The following LHFPL3 variants were observed in gnomAD, a reference collection of about 807,000 sequenced individuals.
LHFPL3 encodes the protein LHFPL tetraspan subfamily member 3.
In LHFPL3, 5 loss-of-function variants were observed where a neutral mutation model predicts 19.3. The observed-to-expected ratio is 0.26, with a 90% CI of 0.14 to 0.54. LHFPL3 has a LOEUF of 0.54. Among genes scored for constraint, LHFPL3 ranks in the 20% least tolerant of loss-of-function variants. LHFPL3 has a pLI of 0.94. For synonymous variants in LHFPL3, 133 were observed against 126.2 expected, an observed-to-expected ratio of 1.05 and a Z score of -0.36; for missense variants, 249 against 307.4, an observed-to-expected ratio of 0.81 and a Z score of 1.42.
intron 1 of LHFPL3, among the ~76,000 whole-genome samples, chr7:104,654,727 A>C (rs10487221): frequency 0.47 from 70,754 of 151,912 alleles, 16,771 homozygotes; most frequent in East Asian, 0.64. Context: ...CATGTTTTGG[A>C]TATTTACCTA....
intron 2 of LHFPL3, among the ~76,000 whole-genome samples, chr7:104,869,902 T>C (rs1791799095): frequency 6.6e-6 from 1 of 152,172 alleles, no homozygotes; most frequent in Non-Finnish European, 1.5e-5. Flanking sequence ...CGTGGAATAG[T>C]ATGCAGCCAT....
At chr7:104,819,298 C>G (rs966843930) in intron 2 of LHFPL3, among the ~76,000 whole-genome samples, 1 of 151,898 alleles carries the variant, frequency 6.6e-6, no homozygotes, top group East Asian at 1.9e-4. Flanking sequence ...CCAGGGTTCA[C>G]CAGTTCAGTT....
chr7:104,777,218 G>A (rs570282795), intron 2 of LHFPL3, among the ~76,000 whole-genome samples: 1 of 152,294 alleles, frequency 6.6e-6, no homozygotes, highest in East Asian at 1.9e-4. Context: ...GAAATATTAT[G>A]ATCCTATTCT....
At chr7:104,720,017 C>A (rs1793457492) in intron 1 of LHFPL3, among the ~76,000 whole-genome samples, 1 of 152,074 alleles carries the variant, frequency 6.6e-6, no homozygotes, top group Non-Finnish European at 1.5e-5. Context: ...AGATGGGAAC[C>A]AAAATAGCCC....
At chr7:104,903,721 C>A (rs1792540097) in intron 2 of LHFPL3, among the ~76,000 whole-genome samples, 2 of 152,204 alleles carry the variant, frequency 1.3e-5, no homozygotes, top group Admixed American at 6.5e-5. Flanking sequence ...CCACCTTGGC[C>A]TCCCAAAGTG....
chr7:104,751,471 A>G (rs1460102485), intron 2 of LHFPL3, among the ~76,000 whole-genome samples: 840 of 121,536 alleles, frequency 6.9e-3, no homozygotes, highest in South Asian at 0.021. Context: ...GACTAATAGT[A>G]CTCCAATTTT....
At chr7:104,441,796 G>A (rs541492148) in intron 1 of LHFPL3, among the ~76,000 whole-genome samples, 4 of 152,164 alleles carry the variant, frequency 2.6e-5, no homozygotes, top group South Asian at 2.1e-4. Flanking sequence ...GGCTGGTCTC[G>A]AACTCCTGAC....
intron 1 of LHFPL3, among the ~76,000 whole-genome samples, chr7:104,518,390 A>G (rs890357453): frequency 3.9e-5 from 6 of 152,210 alleles, no homozygotes; most frequent in African/African-American, 1.4e-4. Context: ...AAGTTTGAAT[A>G]ATAATAGCAG....
intron 1 of LHFPL3, among the ~76,000 whole-genome samples, chr7:104,434,956 T>G (rs1792074937): frequency 6.6e-6 from 1 of 152,190 alleles, no homozygotes; most frequent in South Asian, 2.1e-4. Flanking sequence ...AAATACATTT[T>G]CCATTATTTT....
intron 2 of LHFPL3, among the ~76,000 whole-genome samples, chr7:104,873,141 AC>A (rs1791868279): frequency 6.6e-6 from 1 of 152,246 alleles, no homozygotes; most frequent in African/African-American, 2.4e-5. Context: ...ATTATGTGGC[AC>A]CTGACTGTAC....
chr7:104,584,183 G>A (rs1384377599), intron 1 of LHFPL3, among the ~76,000 whole-genome samples: 1 of 152,018 alleles, frequency 6.6e-6, no homozygotes, highest in African/African-American at 2.4e-5. Context: ...CTGGAAACCA[G>A]CATTCTCAGC....
chr7:104,391,760 G>C (rs1266391692), intron 1 of LHFPL3, among the ~76,000 whole-genome samples: 1 of 152,102 alleles, frequency 6.6e-6, no homozygotes, highest in Non-Finnish European at 1.5e-5. Context: ...CACTGAATCT[G>C]TAAATTACCT....
At chr7:104,411,631 T>A (rs1791536968) in intron 1 of LHFPL3, among the ~76,000 whole-genome samples, 1 of 152,092 alleles carries the variant, frequency 6.6e-6, no homozygotes, top group South Asian at 2.1e-4. Flanking sequence ...AAAACAAAAT[T>A]TGCTCTTTTC....
At chr7:104,869,224 C>T (rs1301598360) in intron 2 of LHFPL3, among the ~76,000 whole-genome samples, 1 of 152,062 alleles carries the variant, frequency 6.6e-6, no homozygotes, top group Non-Finnish European at 1.5e-5. Flanking sequence ...GCAACAAAAG[C>T]CAAAATTGAC....
At chr7:104,614,935 A>G (rs542199193) in intron 1 of LHFPL3, among the ~76,000 whole-genome samples, 15 of 151,570 alleles carry the variant, frequency 9.9e-5, no homozygotes, top group East Asian at 1.9e-4. Flanking sequence ...AAATTTTTTC[A>G]TAGAGATAGA....
chr7:104,713,437 G>A lies in LHFPL3; in HGVS notation c.446-23238G>A, dbSNP rs149419953. Among the ~76,000 whole-genome samples, 97 of 152,288 alleles carry A rather than the reference G, an allele frequency of 6.4e-4. 1 individual carries two copies. The highest frequency in any genetic ancestry group is 2.1e-3 in the African/African-American group (87 of 41,564). ...TTACAATCGTGGCAGAAGGCAAAGC[G>A]GAAAAAGGCATGTCTTACATGGCCA... On this transcript the variant is annotated intron_variant, in intron 1 of 2. Transcript: ENST00000424859.
chr7:104,611,442 C>A (rs1031642834), intron 1 of LHFPL3, among the ~76,000 whole-genome samples: 1 of 152,092 alleles, frequency 6.6e-6, no homozygotes, highest in Non-Finnish European at 1.5e-5. Context: ...GCATGGCACA[C>A]CTTGTGTATT....
At chr7:104,448,441 C>A (rs1361794711) in intron 1 of LHFPL3, among the ~76,000 whole-genome samples, 1 of 152,136 alleles carries the variant, frequency 6.6e-6, no homozygotes, top group Non-Finnish European at 1.5e-5. Flanking sequence ...TTAGCCAATA[C>A]AGCAAAATGG....
At chr7:104,360,093 GCA>G (rs1463204043) in intron 1 of LHFPL3, among the ~76,000 whole-genome samples, 1 of 152,188 alleles carries the variant, frequency 6.6e-6, no homozygotes, top group Non-Finnish European at 1.5e-5. Context: ...AGGATTTTCA[GCA>G]CAGTTATTCC....
Sources: gnomAD v4.1 joint callset for allele counts (sites outside exome capture counted in the v4.1 genomes callset) on GRCh38, gnomAD v4.1.1 for gene constraint, MANE v1.5 for transcripts, NCBI Gene and HGNC (gene_info 2026-07-23, HGNC 2026-07-21) for gene names.